KIF26B: variants seen among roughly 807,000 people sequenced by gnomAD.
KIF26B encodes the protein kinesin-like protein KIF26B.
A neutral mutation model predicts 151.2 loss-of-function variants in KIF26B; 63 were observed. The observed-to-expected ratio is 0.42, with a 90% confidence interval of 0.34 to 0.51. The LOEUF (loss-of-function observed/expected upper bound fraction) is 0.51. Ranked by LOEUF, KIF26B falls within the 20% of genes least tolerant of loss-of-function variation. The probability of loss-of-function intolerance (pLI) is 0.07; values close to 1 mark genes in which losing one functional copy is unlikely to be tolerated. For synonymous variants in KIF26B, 1,357 were observed against 1,262.1 expected (o/e 1.08, Z -1.59); for missense variants, 2,813 against 2,913.6 (o/e 0.97, Z 0.79).
intron 11 of KIF26B, 79 bp from the exon 12 acceptor site, chr1:245,685,326 A>G (rs923336935): frequency 8.1e-7 from 1 of 1,229,742 alleles, no homozygotes; most frequent in Admixed American, 2.4e-5. Context: ...AGGGGCCTTC[A>G]CCACTTGCCG....
At chr1:245,633,073 C>T (rs1460303957) in intron 9 of KIF26B, among the ~76,000 whole-genome samples, 1 of 151,940 alleles carries the variant, frequency 6.6e-6, no homozygotes, top group Non-Finnish European at 1.5e-5. Flanking sequence ...TGAATTGTTC[C>T]CTTTATCATT....
At chr1:245,350,246 A>G (rs1011555043) in intron 2 of KIF26B, among the ~76,000 whole-genome samples, 2 of 152,074 alleles carry the variant, frequency 1.3e-5, no homozygotes, top group Non-Finnish European at 2.9e-5. Context: ...CAATGGCCAC[A>G]TGAAGACACA....
At chr1:245,504,722 G>C (rs556468367) in intron 4 of KIF26B, among the ~76,000 whole-genome samples, 1 of 151,932 alleles carries the variant, frequency 6.6e-6, no homozygotes, top group Admixed American at 6.5e-5. Flanking sequence ...TTACAGGTGT[G>C]AGCCACTGTG....
intron 2 of KIF26B, among the ~76,000 whole-genome samples, chr1:245,245,925 C>CAAAAAAAA (rs60181356): frequency 9.0e-6 from 1 of 111,652 alleles, no homozygotes; most frequent in Non-Finnish European, 1.7e-5. Flanking sequence ...GACTCCGTCT[C>CAAAAAAAA]AAAAAAAAAA....
rs34249209 is a variant in KIF26B, at chr1:245,341,303, G to GT, written c.466-25496dup. ...AAAGCCAAGGGCTTAAAAAGATGCA[G>GT]TTTTTTTTTTTTTTTTTTTTTTTTT... is the stretch of plus-strand genomic sequence containing the variant. On this transcript the variant is annotated intron_variant, in intron 2 of 14. Transcript: ENST00000407071. Among the ~76,000 whole-genome samples, 49 of 82,594 alleles carry GT rather than the reference G, an allele frequency of 5.9e-4. 3 individuals are homozygous for GT. Among genetic ancestry groups the GT allele is most frequent in the South Asian group, 1.9e-3 (3 of 1,610 alleles). The allele number at this position is 82,594 out of a possible 152,430, so 54.2% of individuals were successfully genotyped here.
intron 2 of KIF26B, among the ~76,000 whole-genome samples, chr1:245,230,742 TAA>T (rs376607095): frequency 1.4e-4 from 18 of 130,052 alleles, no homozygotes; most frequent in South Asian, 2.4e-4. Context: ...AAACTTCATG[TAA>T]AAAAAAAAAA....
At chr1:245,605,581 G>A (rs4658788) in intron 6 of KIF26B, among the ~76,000 whole-genome samples, 5,110 of 152,260 alleles carry the variant, frequency 0.034, 105 homozygotes, top group African/African-American at 0.045. Flanking sequence ...GTTGGGACAC[G>A]TCTCTGCTGG....
intron 2 of KIF26B, among the ~76,000 whole-genome samples, chr1:245,301,827 A>G (rs966713505): frequency 1.3e-5 from 2 of 152,184 alleles, no homozygotes; most frequent in African/African-American, 4.8e-5. Flanking sequence ...TCTAGTACCC[A>G]ATTATTTATC....
rs1474404684 is a variant in KIF26B, at chr1:245,214,817, G to C, written c.465+58134G>C. Among the ~76,000 whole-genome samples the C allele has an allele frequency of 2.0e-5, 3 of 152,296 alleles. No homozygotes were observed. In the East Asian group the frequency reaches 5.8e-4, roughly 29 times the overall value. ...ATTGTGCTGTTGCACTCCAGCCTGG[G>C]TTACAAGAGCAAAACTCCGTCTGAA... On this transcript the variant is annotated intron_variant, in intron 2 of 14. Coordinates refer to ENST00000407071, the MANE Select transcript of KIF26B (RefSeq NM_018012.4).
intron 4 of KIF26B, among the ~76,000 whole-genome samples, chr1:245,469,730 T>C (rs1236270984): frequency 6.6e-6 from 1 of 152,144 alleles, no homozygotes; most frequent in East Asian, 1.9e-4. Flanking sequence ...CTATCCTTGA[T>C]TGAATGTAAT....
At chr1:245,171,798 C>G (rs1668714308) in intron 2 of KIF26B, among the ~76,000 whole-genome samples, 1 of 152,150 alleles carries the variant, frequency 6.6e-6, no homozygotes, top group Non-Finnish European at 1.5e-5. Context: ...GTATATTTTG[C>G]TCTGCCGCAT....
intron 4 of KIF26B, among the ~76,000 whole-genome samples, chr1:245,527,755 G>A (rs1421012361): frequency 6.6e-6 from 1 of 151,566 alleles, no homozygotes; most frequent in Non-Finnish European, 1.5e-5. Flanking sequence ...GGATGGTCTC[G>A]ATCTCCTGAC....
intron 3 of KIF26B, among the ~76,000 whole-genome samples, chr1:245,411,303 C>T (rs1674276612): frequency 6.6e-6 from 1 of 152,122 alleles, no homozygotes; most frequent in African/African-American, 2.4e-5. Flanking sequence ...AATGGATCAA[C>T]AAGTTTGCCT....
intron 2 of KIF26B, among the ~76,000 whole-genome samples, chr1:245,252,276 CAAA>C (rs5782329): frequency 3.3e-4 from 38 of 113,746 alleles, no homozygotes; most frequent in Non-Finnish European, 4.1e-4. Flanking sequence ...GACCTTGTCT[CAAA>C]AAAAAAAAAA....
Position 245,540,685 on chromosome 1 carries a change from G to C in KIF26B, c.1167-82G>C, listed in dbSNP as rs746602905. On this transcript the variant is annotated intron_variant, in intron 4 of 14. Coordinates refer to ENST00000407071, the MANE Select transcript of KIF26B (RefSeq NM_018012.4). The surrounding 1 kb of genome is among the most constrained non-coding windows in gnomAD (Gnocchi z 4.6). ...GATTAGGCCTCAGAAAGAACGAGGG[G>C]TTGTTTAAGAGAAAACGAAGTAAGC... 1.6e-6 allele frequency: 2 copies of C among 1,258,072 alleles called. No homozygotes were observed. Among genetic ancestry groups the C allele is most frequent in the Admixed American group, 1.7e-5 (1 of 59,566 alleles). The allele number at this position is 1,258,072 out of a possible 1,614,324, so 77.9% of individuals were successfully genotyped here. A position where few individuals can be genotyped will look rare whatever the true frequency, so the allele number is the denominator to read the frequency against.
chr1:245,306,045 A>G (rs971166137), intron 2 of KIF26B, among the ~76,000 whole-genome samples: 4 of 152,124 alleles, frequency 2.6e-5, no homozygotes, highest in Admixed American at 1.3e-4. Context: ...CATATGACCC[A>G]ACAATTCTAC....
rs2044531686 is a variant in KIF26B, at chr1:245,686,815, A to T, written c.3832A>T (p.Ile1278Phe). The change falls in exon 12 of 15, where the codon ATC becomes TTC. Residue 1278 changes from isoleucine to phenylalanine, a missense_variant. Physicochemically the swap from Ile to Phe is conservative, Grantham distance 21. Coordinates refer to ENST00000407071, the MANE Select transcript of KIF26B (RefSeq NM_018012.4). This position sits in a 1 kb window ranked among gnomAD's most constrained non-coding sequence, Gnocchi z 5.6. ...GGACGCAGGGAGCAGACGCTCTTCC[A>T]TCAGCTCCTGGCTGAGCGAGATGAG... ...AQDAGSRRSS[I>F]SSWLSEMSAG... is the part of the protein sequence containing the mutation. 6.2e-7 allele frequency: 1 copy of T among 1,613,480 alleles called. No individual in the cohort carries two copies. The highest frequency in any genetic ancestry group is 8.5e-7 in the Non-Finnish European group (1 of 1,179,830).
chr1:245,489,076 C>T (rs1255839775), intron 4 of KIF26B, among the ~76,000 whole-genome samples: 1 of 152,218 alleles, frequency 6.6e-6, no homozygotes, highest in African/African-American at 2.4e-5. Context: ...CACTGCAAGA[C>T]ATGGAACGGA....
At chr1:245,569,510 T>C (rs2043043754) in intron 5 of KIF26B, among the ~76,000 whole-genome samples, 1 of 152,064 alleles carries the variant, frequency 6.6e-6, no homozygotes, top group South Asian at 2.1e-4. Context: ...CTCGGGAGGC[T>C]GAGGCAGAAT....
Sources: gnomAD v4.1 joint callset for allele counts (sites outside exome capture counted in the v4.1 genomes callset) on GRCh38, gnomAD v4.1.1 for gene constraint, Gnocchi (gnomAD v3.1) non-coding constraint, MANE v1.5 for transcripts, NCBI Gene and HGNC (gene_info 2026-07-23, HGNC 2026-07-21) for gene names.